The following PROM1 variants were observed in gnomAD, a reference collection of about 807,000 sequenced individuals.
PROM1 encodes prominin 1.
In PROM1, 105 loss-of-function variants were observed where a neutral mutation model predicts 116.9. The ratio of observed to expected loss-of-function variants is 0.90; its 90% CI spans 0.77 to 1.06. The LOEUF (loss-of-function observed/expected upper bound fraction) is 1.06. Ranked by LOEUF, PROM1 falls within the 50% of genes least tolerant of loss-of-function variation. The probability of loss-of-function intolerance (pLI) is 0.00; values close to 1 mark genes in which losing one functional copy is unlikely to be tolerated. For missense variants in PROM1, 1,122 were observed against 1,045.2 expected (o/e 1.07, Z -1.01); for synonymous variants, 393 against 387.0 (o/e 1.02, Z -0.18).
intron 2 of PROM1, among the ~76,000 whole-genome samples, chr4:16,067,340 A>C (rs919311746): frequency 1.3e-5 from 2 of 152,186 alleles, no homozygotes; most frequent in East Asian, 3.9e-4. Context: ...CTTGCCTCTG[A>C]AGCCTGCCTG....
chr4:16,053,371 T>C (rs941137369), intron 2 of PROM1, among the ~76,000 whole-genome samples: 7 of 152,242 alleles, frequency 4.6e-5, no homozygotes, highest in African/African-American at 1.7e-4. Flanking sequence ...CTAATTTTCC[T>C]CGTTTATCAA....
rs1467470727 is a variant in PROM1 at position 16,033,522 on chromosome 4, C to T, written c.304-13G>A. The T allele has an allele frequency of 6.6e-7, 1 of 1,506,994 alleles. No individual in the cohort carries two copies. Among genetic ancestry groups the T allele is most frequent in the East Asian group, 2.5e-5 (1 of 40,122 alleles). 93.4% of individuals were successfully genotyped at this position (1,506,994 alleles called of 1,614,324 possible). On this transcript the variant is annotated splice_polypyrimidine_tract_variant and intron_variant, in intron 4 of 27. Transcript: ENST00000447510. ...CATAGTAGACAATCTGCAATTCAAA[C>T]AAAAGAAACAGCACATATTGTAGCA...
intron 2 of PROM1, among the ~76,000 whole-genome samples, chr4:16,069,983 A>G (rs1334291999): frequency 6.6e-6 from 1 of 152,224 alleles, no homozygotes; most frequent in Non-Finnish European, 1.5e-5. Context: ...AAACTCAGCT[A>G]ATGCGATTGG....
intron 1 of PROM1, chr4:16,082,440 A>C (rs1745212870): frequency 6.6e-6 from 1 of 152,156 alleles, no homozygotes; most frequent in Non-Finnish European, 1.5e-5. Flanking sequence ...ACCTTTCTCC[A>C]GAAAGGTCAG....
chr4:15,995,810 T>C (rs1722186861), intron 15 of PROM1, among the ~76,000 whole-genome samples: 1 of 152,204 alleles, frequency 6.6e-6, no homozygotes, highest in Admixed American at 6.5e-5. Context: ...CCTTGGGGCT[T>C]CTAGAGTAGC....
At chr4:16,048,890 C>A (rs986195294) in intron 2 of PROM1, among the ~76,000 whole-genome samples, 3 of 152,194 alleles carry the variant, frequency 2.0e-5, no homozygotes, top group Non-Finnish European at 4.4e-5. Flanking sequence ...CAGCCCGTAA[C>A]TGGGAAGATT....
intron 6 of PROM1, 24 bp downstream of exon 6, chr4:16,025,168 G>T (rs763451841): frequency 6.2e-7 from 1 of 1,609,456 alleles, no homozygotes; most frequent in South Asian, 1.1e-5. Context: ...AAGCATCGCG[G>T]TACATAGAGA....
At position 16,009,125 on chromosome 4, in the gene PROM1, C is replaced by T. The variant is rs7678033; in HGVS notation, c.1142-17G>A. 1.2e-5 allele frequency: 20 copies of T among 1,606,602 alleles called. No homozygotes were observed. Among genetic ancestry groups the T allele is most frequent in the Non-Finnish European group, 1.6e-5 (19 of 1,175,964 alleles). On this transcript the variant is annotated splice_polypyrimidine_tract_variant and intron_variant, in intron 11 of 27. Transcript: ENST00000447510. ...TTTTGATACCTGAAAACAAAGATAC[C>T]TTTGTTATGCATTTGCAAACATGGA... is the stretch of plus-strand genomic sequence containing the variant.
intron 2 of PROM1, among the ~76,000 whole-genome samples, chr4:16,055,702 G>A (rs551620550): frequency 7.9e-5 from 12 of 152,222 alleles, no homozygotes; most frequent in Non-Finnish European, 8.8e-5. Flanking sequence ...CAACCTTGAC[G>A]GTAATGAGAA....
intron 13 of PROM1, among the ~76,000 whole-genome samples, chr4:16,001,534 G>A (rs1370783323): frequency 2.0e-5 from 3 of 152,112 alleles, no homozygotes; most frequent in African/African-American, 7.2e-5. Flanking sequence ...AAGATGATGA[G>A]GCAGAGAAGT....
At chr4:15,992,529 G>A (rs1721326791) in intron 16 of PROM1, 138 bp from the exon 17 acceptor site, 5 of 867,336 alleles carry the variant, frequency 5.8e-6, no homozygotes, top group Non-Finnish European at 8.5e-6. Flanking sequence ...GAGGTGGGAG[G>A]ATCGCTTGAG....
intron 5 of PROM1, among the ~76,000 whole-genome samples, chr4:16,032,848 C>T (rs937258608): frequency 6.6e-6 from 1 of 152,204 alleles, no homozygotes; most frequent in East Asian, 1.9e-4. Context: ...AAGTCAATTG[C>T]ATTCTACAAT....
In PROM1 at chr4:16,024,296, G is replaced by A. The variant is rs1730667721; in HGVS notation, c.693C>T (p.Asn231=). The A allele has an allele frequency of 6.2e-7, 1 of 1,612,322 alleles. No individual in the cohort carries two copies. Among genetic ancestry groups the A allele is most frequent in the African/African-American group, 1.3e-5 (1 of 74,858 alleles). The change falls in exon 7 of 28, where the codon AAC becomes AAT. Residue 231 remains asparagine, a splice_region_variant and synonymous_variant. Coordinates refer to ENST00000447510, the MANE Select transcript of PROM1 (RefSeq NM_006017.3). ...TTKDKAFTDL[N]SINSVLGGGI... ...GAAGCAACTTTAAATTTTACTCACT[G>A]TTCAGATCTGTGAACGCCTTGTCCT... is the stretch of plus-strand genomic sequence containing the variant.
chr4:16,001,172 G>A (rs1051934150), intron 13 of PROM1, among the ~76,000 whole-genome samples: 5 of 152,250 alleles, frequency 3.3e-5, no homozygotes, highest in African/African-American at 1.2e-4. Flanking sequence ...AGGAGACACA[G>A]GAGGCATAAT....
intron 1 of PROM1, among the ~76,000 whole-genome samples, chr4:16,081,411 C>G (rs1052369166): frequency 3.9e-5 from 6 of 152,144 alleles, no homozygotes; most frequent in African/African-American, 1.2e-4. Context: ...AGACCTAAAA[C>G]CATAAAAACC....
intron 2 of PROM1, among the ~76,000 whole-genome samples, chr4:16,061,116 A>C (rs1740217286): frequency 1.3e-5 from 2 of 152,240 alleles, no homozygotes; most frequent in Admixed American, 1.3e-4. Flanking sequence ...ACAAGCAGTT[A>C]TCTTGGAAAT....
chr4:16,014,898 C>T (rs1020363955), intron 10 of PROM1, among the ~76,000 whole-genome samples: 2 of 152,044 alleles, frequency 1.3e-5, no homozygotes, highest in Admixed American at 6.5e-5. Flanking sequence ...GCTGTCCCTG[C>T]GTTTTTGGGG....
At position 16,003,446 on chromosome 4, in the gene PROM1, G is replaced by C. The variant is rs917938497; in HGVS notation, c.1455-2827C>G. 2.0e-5 allele frequency: 9 copies of C among 456,106 alleles called. No individual in the cohort carries two copies. The Admixed American group carries it at 2.1e-4, about 11-fold the overall frequency. 28.3% of individuals were successfully genotyped at this position (456,106 alleles called of 1,614,324 possible). A position where few individuals can be genotyped will look rare whatever the true frequency, so the allele number is the denominator to read the frequency against. The stretch of plus-strand genomic sequence containing the variant: ...TGACAAACTGCTTTCCATAACCTCA[G>C]AAACTGCCACCAGCCATAGGAATGT... On this transcript the variant is annotated intron_variant, in intron 13 of 27. Transcript: ENST00000447510.
intron 2 of PROM1, among the ~76,000 whole-genome samples, chr4:16,039,810 A>G (rs1734781787): frequency 6.6e-6 from 1 of 152,190 alleles, no homozygotes; most frequent in African/African-American, 2.4e-5. Context: ...TATGCAATGC[A>G]AACTGGAACT....
Sources: gnomAD v4.1 joint callset for allele counts (sites outside exome capture counted in the v4.1 genomes callset) on GRCh38, gnomAD v4.1.1 for gene constraint, MANE v1.5 for transcripts, NCBI Gene and HGNC (gene_info 2026-07-23, HGNC 2026-07-21) for gene names.